The following PRKN variants were observed in gnomAD, a reference collection of about 807,000 sequenced individuals.
PRKN encodes the protein E3 ubiquitin-protein ligase parkin.
PRKN carries 56 observed loss-of-function variants against 59.5 expected under a neutral mutation model. The ratio of observed to expected loss-of-function variants is 0.94; its 90% CI spans 0.76 to 1.18. The LOEUF is 1.18. Ranked by LOEUF, PRKN falls within the 50% of genes most tolerant of loss-of-function variation. The pLI is 0.00. For synonymous variants in PRKN, 250 were observed against 222.1 expected (o/e 1.13, Z -1.12); for missense variants, 657 against 596.4 (o/e 1.10, Z -1.06).
chr6:162,675,440 G>T (rs1031375754), intron 1 of PRKN, among the ~76,000 whole-genome samples: 11 of 152,282 alleles, frequency 7.2e-5, no homozygotes, highest in Middle Eastern at 6.8e-3. Context: ...CAGAAGCTCA[G>T]AACGTGGATT....
rs1562673434 is a variant in PRKN at position 161,774,384 on chromosome 6, A to ACG, written c.871+11387_871+11388insCG. Among the ~76,000 whole-genome samples the ACG allele has an allele frequency of 7.3e-4, 13 of 17,878 alleles. 1 individual carries two copies. The highest frequency in any genetic ancestry group is 2.7e-3 in the Admixed American group (6 of 2,220). 11.7% of individuals were successfully genotyped at this position (17,878 alleles called of 152,430 possible). ...CCCCCATCCTTTCTACTCCCTGAGC[A>ACG]CACACACACACACACACACACACAC... On this transcript the variant is annotated intron_variant, in intron 7 of 11. Coordinates refer to ENST00000366898, the MANE Select transcript of PRKN (RefSeq NM_004562.3).
At chr6:161,746,795 T>C (rs900525317) in intron 7 of PRKN, among the ~76,000 whole-genome samples, 4 of 148,530 alleles carry the variant, frequency 2.7e-5, no homozygotes, top group Non-Finnish European at 5.9e-5. Context: ...AGAATCTAGA[T>C]ATGCACAGAC....
intron 2 of PRKN, among the ~76,000 whole-genome samples, chr6:162,333,455 A>T (rs553967058): frequency 4.0e-4 from 61 of 152,286 alleles, no homozygotes; most frequent in African/African-American, 1.3e-3. Flanking sequence ...GGTAATTCAT[A>T]TAATATTTCA....
At chr6:162,557,377 A>T (rs1256348584) in intron 1 of PRKN, among the ~76,000 whole-genome samples, 1 of 152,158 alleles carries the variant, frequency 6.6e-6, no homozygotes, top group Non-Finnish European at 1.5e-5. Flanking sequence ...CATTCCCCCC[A>T]GGGCACTTTG....
chr6:161,589,837 T>G (rs1781653167), intron 7 of PRKN, among the ~76,000 whole-genome samples: 1 of 150,434 alleles, frequency 6.6e-6, no homozygotes, highest in African/African-American at 2.5e-5. Flanking sequence ...TGGTGTGTAG[T>G]GGTGCAATCT....
At chr6:162,153,395 G>A (rs1464601985) in intron 4 of PRKN, among the ~76,000 whole-genome samples, 1 of 152,196 alleles carries the variant, frequency 6.6e-6, no homozygotes, top group African/African-American at 2.4e-5. Flanking sequence ...AGGTGGGGCT[G>A]ACTGTGACCC....
At chr6:161,571,899 T>C (rs1379333760) in intron 7 of PRKN, among the ~76,000 whole-genome samples, 2 of 152,186 alleles carry the variant, frequency 1.3e-5, no homozygotes, top group East Asian at 3.9e-4. Flanking sequence ...CTTTCTCTTC[T>C]AGAGCCTTAA....
At chr6:162,646,986 A>G (rs1473057969) in intron 1 of PRKN, among the ~76,000 whole-genome samples, 1 of 152,198 alleles carries the variant, frequency 6.6e-6, no homozygotes, top group Non-Finnish European at 1.5e-5. Context: ...AAAATGGCTC[A>G]TAAGTCCACA....
At chr6:161,380,968 C>G (rs894487635) in intron 10 of PRKN, among the ~76,000 whole-genome samples, 3 of 152,114 alleles carry the variant, frequency 2.0e-5, no homozygotes, top group Admixed American at 2.0e-4. Flanking sequence ...CCACAGACCA[C>G]CCCCACCCGC....
chr6:161,731,576 G>C (rs896077869), intron 7 of PRKN, among the ~76,000 whole-genome samples: 1 of 152,114 alleles, frequency 6.6e-6, no homozygotes, highest in Non-Finnish European at 1.5e-5. Flanking sequence ...TTGAATGTTT[G>C]TTTATCTAAT....
chr6:162,287,130 T>A (rs1781228371), intron 2 of PRKN, among the ~76,000 whole-genome samples: 1 of 152,120 alleles, frequency 6.6e-6, no homozygotes, highest in African/African-American at 2.4e-5. Context: ...AGAAAAATGA[T>A]AACAGATTAC....
Position 161,759,355 on chromosome 6 carries a change from G to C in PRKN, c.871+26417C>G, listed in dbSNP as rs573913133. ...CTAGGTCAGTTGGTAGAATGCATTG[G>C]ATTGGAAAGGTTGGCCAGTCACTGT... On this transcript the variant is annotated intron_variant, in intron 7 of 11. Transcript: ENST00000366898. 2.6e-5 allele frequency among the ~76,000 whole-genome samples: 4 copies of C among 152,168 alleles called. No homozygotes were observed. The South Asian group carries it at 6.2e-4, about 24-fold the overall frequency.
intron 6 of PRKN, among the ~76,000 whole-genome samples, chr6:161,802,197 C>G (rs1402966901): frequency 6.6e-6 from 1 of 152,024 alleles, no homozygotes; most frequent in Non-Finnish European, 1.5e-5. Flanking sequence ...AAGTTATAGC[C>G]TCTCACTCCT....
chr6:162,106,106 T>A (rs927534373), intron 4 of PRKN, among the ~76,000 whole-genome samples: 1 of 152,242 alleles, frequency 6.6e-6, no homozygotes, highest in African/African-American at 2.4e-5. Flanking sequence ...GTTTGTTGAA[T>A]ACATCAGAGT....
At chr6:162,360,099 G>A (rs1482107448) in intron 2 of PRKN, among the ~76,000 whole-genome samples, 2 of 151,868 alleles carry the variant, frequency 1.3e-5, no homozygotes, top group African/African-American at 2.4e-5. Flanking sequence ...GTGTGGGTGG[G>A]TGTGGGTGTG....
intron 5 of PRKN, among the ~76,000 whole-genome samples, chr6:162,051,270 C>T (rs934512659): frequency 3.3e-5 from 5 of 152,036 alleles, no homozygotes; most frequent in African/African-American, 4.8e-5. Flanking sequence ...CAGGAGAGGC[C>T]GTCTATGCGA....
intron 5 of PRKN, among the ~76,000 whole-genome samples, chr6:162,052,742 T>C (rs1049528179): frequency 9.9e-5 from 15 of 152,266 alleles, no homozygotes; most frequent in Non-Finnish European, 4.4e-5. Flanking sequence ...ATGTTGTATA[T>C]ATGTATACCA....
At chr6:162,595,107 G>A (rs747122989) in intron 1 of PRKN, among the ~76,000 whole-genome samples, 44 of 152,208 alleles carry the variant, frequency 2.9e-4, no homozygotes, top group Middle Eastern at 3.4e-3. Flanking sequence ...CTGAGAGGCA[G>A]AGCTTGCAGG....
intron 7 of PRKN, among the ~76,000 whole-genome samples, chr6:161,776,870 C>T (rs190107084): frequency 4.3e-4 from 65 of 152,262 alleles, no homozygotes; most frequent in African/African-American, 1.5e-3. Context: ...ACTTCTTCCT[C>T]TGTACAAATA....
Sources: allele counts gnomAD v4.1 joint callset (sites outside exome capture counted in the v4.1 genomes callset), GRCh38; gene constraint gnomAD v4.1.1; transcripts MANE v1.5; gene names NCBI Gene and HGNC (gene_info 2026-07-23, HGNC 2026-07-21).